The following FGF14 variants were observed in gnomAD, a reference collection of about 807,000 sequenced individuals.
FGF14 encodes fibroblast growth factor homologous factor 4.
Under a neutral mutation model 25.5 loss-of-function variants are expected in FGF14, and 5 were observed. The ratio of observed to expected loss-of-function variants is 0.20; its 90% CI spans 0.10 to 0.41. The LOEUF is 0.41. Among genes scored for constraint, FGF14 ranks in the 10% least tolerant of loss-of-function variants. FGF14 has a pLI of 1.00. For synonymous variants in FGF14, 138 were observed against 118.3 expected (o/e 1.17, Z -1.08); for missense variants, 222 against 320.1 (o/e 0.69, Z 2.34).
intron 3 of FGF14, among the ~76,000 whole-genome samples, chr13:101,753,981 A>G (rs1008538697): frequency 1.4e-4 from 22 of 152,172 alleles, no homozygotes; most frequent in African/African-American, 5.3e-4. Context: ...AAAACAAAAC[A>G]AAATAGAAAA....
At chr13:101,736,657 G>A (rs2139753798) in intron 3 of FGF14, among the ~76,000 whole-genome samples, 1 of 152,226 alleles carries the variant, frequency 6.6e-6, no homozygotes, top group East Asian at 1.9e-4. Context: ...GGAGAGCTAA[G>A]GTGAGAATTG....
intron 1 of FGF14, among the ~76,000 whole-genome samples, chr13:102,016,166 G>T (rs150981542): frequency 2.0e-5 from 3 of 152,136 alleles, no homozygotes; most frequent in Non-Finnish European, 4.4e-5. Context: ...GACCTTAGGA[G>T]GTAGTTTAAC....
At chr13:101,828,256 C>T (rs2042495383) in intron 3 of FGF14, among the ~76,000 whole-genome samples, 1 of 151,910 alleles carries the variant, frequency 6.6e-6, no homozygotes. Flanking sequence ...GTCCAAAATG[C>T]CAATAAGTTT....
chr13:102,237,598 A>AC (rs890589983), intron 1 of FGF14, among the ~76,000 whole-genome samples: 4 of 151,914 alleles, frequency 2.6e-5, no homozygotes, highest in Non-Finnish European at 5.9e-5. Context: ...AAAAAAAAAA[A>AC]AAGAATTACA....
At chr13:101,777,096 A>G (rs2039168437) in intron 3 of FGF14, among the ~76,000 whole-genome samples, 1 of 152,182 alleles carries the variant, frequency 6.6e-6, no homozygotes, top group Admixed American at 6.5e-5. Flanking sequence ...TTTGTATAGT[A>G]CTATCATCTG....
In FGF14 at chr13:102,400,978, AG is replaced by A. The variant is rs1033461339; in HGVS notation, c.208+492del. The stretch of plus-strand genomic sequence containing the variant: ...TGACGGAGGAGCGGGGCCGCGAGGG[AG>A]GGGGCCTCTTTTACTTTGGTAAAGG... On this transcript the variant is annotated intron_variant, in intron 1 of 4. Transcript: ENST00000376131. This position sits in a 1 kb window ranked among gnomAD's most constrained non-coding sequence, Gnocchi z 4.3. Among the ~76,000 whole-genome samples, 128 of 151,850 alleles carry A rather than the reference AG, an allele frequency of 8.4e-4. No individual in the cohort carries two copies. Among genetic ancestry groups the A allele is most frequent in the Admixed American group, 5.9e-4 (9 of 15,254 alleles).
At chr13:101,914,294 A>T (rs1204301525) in intron 1 of FGF14, among the ~76,000 whole-genome samples, 1 of 151,574 alleles carries the variant, frequency 6.6e-6, no homozygotes, top group East Asian at 1.9e-4. Flanking sequence ...GTTTTGCTTA[A>T]AATTAGTGAT....
intron 1 of FGF14, among the ~76,000 whole-genome samples, chr13:102,177,996 CT>C (rs1434305144): frequency 6.7e-6 from 1 of 148,896 alleles, no homozygotes; most frequent in Non-Finnish European, 1.5e-5. Flanking sequence ...CAAACCTCCC[CT>C]GACCACAGCA....
chr13:102,397,675 G>T (rs1480249986), intron 1 of FGF14, among the ~76,000 whole-genome samples: 1 of 152,096 alleles, frequency 6.6e-6, no homozygotes, highest in Non-Finnish European at 1.5e-5. Flanking sequence ...TGCCTGAAGA[G>T]ACAGCAATGA....
chr13:102,107,601 C>T (rs1416701600), intron 1 of FGF14, among the ~76,000 whole-genome samples: 1 of 152,128 alleles, frequency 6.6e-6, no homozygotes, highest in Non-Finnish European at 1.5e-5. Flanking sequence ...ATTCCAAGCA[C>T]TAGTCATGAT....
At chr13:102,160,679 A>C (rs1422632212) in intron 1 of FGF14, among the ~76,000 whole-genome samples, 1 of 152,106 alleles carries the variant, frequency 6.6e-6, no homozygotes, top group Non-Finnish European at 1.5e-5. Flanking sequence ...CTGCCCTTTC[A>C]CAAAAAATGC....
intron 1 of FGF14, among the ~76,000 whole-genome samples, chr13:101,958,390 ACTTTC>A (rs1262288708): frequency 1.3e-5 from 2 of 152,120 alleles, no homozygotes; most frequent in East Asian, 1.9e-4. Context: ...TCACTCCTTT[ACTTTC>A]CTTTACTTCC....
intron 3 of FGF14, among the ~76,000 whole-genome samples, chr13:101,816,666 T>C (rs1253130730): frequency 6.6e-6 from 1 of 152,190 alleles, no homozygotes; most frequent in Non-Finnish European, 1.5e-5. Flanking sequence ...CTATTCTAAA[T>C]CTTTATTAAA....
intron 1 of FGF14, among the ~76,000 whole-genome samples, chr13:102,054,605 A>T (rs1595122836): frequency 1.3e-5 from 2 of 152,144 alleles, no homozygotes; most frequent in Admixed American, 1.3e-4. Flanking sequence ...GTTTTCTCAG[A>T]CTCTTTGTGG....
chr13:102,369,496 G>A (rs372463715), intron 1 of FGF14, among the ~76,000 whole-genome samples: 5 of 152,156 alleles, frequency 3.3e-5, no homozygotes, highest in African/African-American at 9.7e-5. Flanking sequence ...ATGTCTGTTC[G>A]ATGCTGAGTC....
chr13:101,921,003 TTAAGTA>T (rs2033961275), upstream of FGF14, among the ~76,000 whole-genome samples: 1 of 152,112 alleles, frequency 6.6e-6, no homozygotes, highest in African/African-American at 2.4e-5. Context: ...TCCTCCAACT[TTAAGTA>T]TGTTGTTCCC....
At chr13:101,912,345 A>C (rs1034051493) in intron 1 of FGF14, among the ~76,000 whole-genome samples, 2 of 152,180 alleles carry the variant, frequency 1.3e-5, no homozygotes, top group African/African-American at 2.4e-5. Flanking sequence ...TCACAGCCCC[A>C]AAAAAGTAAA....
intron 1 of FGF14, among the ~76,000 whole-genome samples, chr13:102,344,394 C>T (rs1227892041): frequency 6.6e-6 from 1 of 152,196 alleles, no homozygotes; most frequent in Non-Finnish European, 1.5e-5. Context: ...TAAAGAATAC[C>T]TATGTTTGCC....
At chr13:101,901,758 C>G (rs537205341) in intron 1 of FGF14, among the ~76,000 whole-genome samples, 2 of 151,982 alleles carry the variant, frequency 1.3e-5, no homozygotes, top group Non-Finnish European at 2.9e-5. Context: ...CAAACAGATA[C>G]GCGAGGAGTT....
Sources: allele counts gnomAD v4.1 joint callset (sites outside exome capture counted in the v4.1 genomes callset), GRCh38; gene constraint gnomAD v4.1.1; non-coding constraint Gnocchi (gnomAD v3.1); transcripts MANE v1.5; gene names NCBI Gene and HGNC (gene_info 2026-07-23, HGNC 2026-07-21).